The following ALKBH3 variants were observed in gnomAD, a reference collection of about 807,000 sequenced individuals.
ALKBH3 encodes the protein alpha-ketoglutarate-dependent dioxygenase alkB homolog 3.
In ALKBH3, 51 loss-of-function variants were observed where a neutral mutation model predicts 43.9. The ratio of observed to expected loss-of-function variants is 1.16; its 90% CI spans 0.93 to 1.47. The LOEUF (loss-of-function observed/expected upper bound fraction) is 1.47, where lower values mean the gene tolerates loss of function less well. Among genes scored for constraint, ALKBH3 ranks in the 40% most tolerant of loss-of-function variants. ALKBH3 has a pLI of 0.00. For missense variants in ALKBH3, 361 were observed against 351.9 expected (o/e 1.03, Z -0.21); for synonymous variants, 102 against 115.2 (o/e 0.89, Z 0.73).
intron 5 of ALKBH3, among the ~76,000 whole-genome samples, chr11:43,888,822 G>T (rs1364319000): frequency 1.3e-5 from 2 of 152,220 alleles, no homozygotes; most frequent in Non-Finnish European, 2.9e-5. Context: ...CTTTCAGAAG[G>T]TATCTTAAGA....
At chr11:43,884,766 T>C (rs1951736135) in intron 4 of ALKBH3, among the ~76,000 whole-genome samples, 1 of 152,072 alleles carries the variant, frequency 6.6e-6, no homozygotes, top group Non-Finnish European at 1.5e-5. Context: ...TTTTTTATTT[T>C]TTTGGAACAG....
intron 6 of ALKBH3, among the ~76,000 whole-genome samples, chr11:43,891,792 A>G (rs907243515): frequency 1.3e-5 from 2 of 152,164 alleles, no homozygotes; most frequent in Non-Finnish European, 2.9e-5. Flanking sequence ...CATCACTAAT[A>G]CAAGCAAGTC....
At position 43,901,962 on chromosome 11, in the gene ALKBH3, A is replaced by C. The variant is rs543064313; in HGVS notation, c.669+237A>C. On this transcript the variant is annotated intron_variant, in intron 8 of 9. Coordinates refer to ENST00000302708, the MANE Select transcript of ALKBH3 (RefSeq NM_139178.4). ...ATGCTAGGTGCTGGCGGCTCATTTCATTGATGATAAACTCCCTGTCCTCCT... is the reference window on the plus strand; with the variant it reads ...ATGCTAGGTGCTGGCGGCTCATTTCCTTGATGATAAACTCCCTGTCCTCCT... Among the ~76,000 whole-genome samples the C allele has an allele frequency of 3.3e-5, 5 of 152,306 alleles. No homozygotes were observed. In the East Asian group the frequency reaches 9.6e-4, roughly 29 times the overall value.
intron 4 of ALKBH3, among the ~76,000 whole-genome samples, chr11:43,886,170 C>T (rs1951745268): frequency 1.3e-5 from 2 of 152,126 alleles, no homozygotes; most frequent in South Asian, 4.1e-4. Context: ...GGATTTTAAT[C>T]AGAAGAGGAA....
intron 7 of ALKBH3, chr11:43,898,325 G>T: frequency 1.4e-6 from 1 of 717,258 alleles, no homozygotes; most frequent in Non-Finnish European, 2.5e-6. Flanking sequence ...GAGATCATTT[G>T]TCAATCTTTG....
intron 8 of ALKBH3, 23 bp from the exon 9 acceptor site, chr11:43,919,015 T>G (rs745619135): frequency 1.3e-6 from 2 of 1,572,498 alleles, no homozygotes; most frequent in Non-Finnish European, 1.7e-6. Flanking sequence ...AAAACATTTA[T>G]TACAACAAAT....
chr11:43,883,392 A>G (rs1440442583), intron 3 of ALKBH3, among the ~76,000 whole-genome samples: 1 of 152,220 alleles, frequency 6.6e-6, no homozygotes, highest in Non-Finnish European at 1.5e-5. Context: ...TTATGGTCAC[A>G]TGTTATTCCC....
At chr11:43,898,823 G>A (rs1403668993) in intron 7 of ALKBH3, 1 of 766,230 alleles carries the variant, frequency 1.3e-6, no homozygotes, top group East Asian at 2.4e-5. Context: ...ATTTATGCAG[G>A]AAATGACTAC....
At chr11:43,915,022 A>T (rs1341784571) in intron 8 of ALKBH3, among the ~76,000 whole-genome samples, 1 of 152,032 alleles carries the variant, frequency 6.6e-6, no homozygotes, top group Non-Finnish European at 1.5e-5. Context: ...CCTGGCCAAC[A>T]TGGTGAAACC....
In ALKBH3 at chr11:43,888,085, C is replaced by CCATACGTGGCCTAGGATAGAT. The variant is rs1439456560; in HGVS notation, c.266+1432_266+1433insCATACGTGGCCTAGGATAGAT. ...GTGCTGGGATTACAGGCATGAGCCACTGCGCCTGGCAGTCTTTCTGTTTTT... is the reference window on the plus strand; with the variant it reads ...GTGCTGGGATTACAGGCATGAGCCACCATACGTGGCCTAGGATAGATTGCGCCTGGCAGTCTTTCTGTTTTT... On this transcript the variant is annotated intron_variant, in intron 5 of 9. Transcript: ENST00000302708. Among the ~76,000 whole-genome samples, 64 of 96,694 alleles carry CCATACGTGGCCTAGGATAGAT rather than the reference C, an allele frequency of 6.6e-4. 7 individuals are homozygous for CCATACGTGGCCTAGGATAGAT. The highest frequency in any genetic ancestry group is 8.2e-4 in the Non-Finnish European group (32 of 38,836). The allele number at this position is 96,694 out of a possible 152,430, so 63.4% of individuals were successfully genotyped here.
intron 8 of ALKBH3, among the ~76,000 whole-genome samples, chr11:43,910,748 C>G: frequency 6.6e-6 from 1 of 152,148 alleles, no homozygotes; most frequent in Non-Finnish European, 1.5e-5. Context: ...ATCTTTATCC[C>G]AGGCACTTTT....
chr11:43,900,228 T>A (rs1810838747), intron 7 of ALKBH3, among the ~76,000 whole-genome samples: 1 of 132,612 alleles, frequency 7.5e-6, no homozygotes, highest in Admixed American at 7.6e-5. Flanking sequence ...TTTTTTTTTT[T>A]TTTTTTTTTT....
intron 8 of ALKBH3, among the ~76,000 whole-genome samples, chr11:43,913,724 G>A (rs375200676): frequency 6.6e-6 from 1 of 152,210 alleles, no homozygotes; most frequent in South Asian, 2.1e-4. Context: ...GGTCTTAGAC[G>A]CTTACAAGTC....
At chr11:43,919,832 C>T (rs868156970) in intron 9 of ALKBH3, 86 bp from the exon 10 acceptor site, 1 of 1,209,736 alleles carries the variant, frequency 8.3e-7, no homozygotes, top group Middle Eastern at 2.1e-4. Flanking sequence ...AATATTTCTG[C>T]ATTCTCATGA....
At chr11:43,893,906 G>A (rs1275378525) in intron 7 of ALKBH3, among the ~76,000 whole-genome samples, 1 of 152,046 alleles carries the variant, frequency 6.6e-6, no homozygotes, top group East Asian at 1.9e-4. Context: ...TTTAGATATA[G>A]GGTCTTGTTA....
At chr11:43,913,593 G>T (rs1951958760) in intron 8 of ALKBH3, among the ~76,000 whole-genome samples, 1 of 152,210 alleles carries the variant, frequency 6.6e-6, no homozygotes, top group South Asian at 2.1e-4. Flanking sequence ...TCTACCTCTA[G>T]ATTTAATTCA....
intron 9 of ALKBH3, 110 bp from the exon 10 acceptor site, chr11:43,919,808 G>A (rs1952012490): frequency 9.8e-7 from 1 of 1,025,350 alleles, no homozygotes; most frequent in Non-Finnish European, 1.5e-6. Flanking sequence ...CTCATTTAAG[G>A]GGGATGAGAT....
intron 4 of ALKBH3, among the ~76,000 whole-genome samples, chr11:43,884,852 A>C (rs1467522766): frequency 6.6e-6 from 1 of 152,150 alleles, no homozygotes; most frequent in Non-Finnish European, 1.5e-5. Flanking sequence ...TCTGGGCTCA[A>C]GTGATCCTCC....
At chr11:43,884,375 CTTTTTT>C (rs113557050) in intron 4 of ALKBH3, among the ~76,000 whole-genome samples, 4 of 134,110 alleles carry the variant, frequency 3.0e-5, no homozygotes, top group Non-Finnish European at 4.8e-5. Context: ...TTAATTGCCT[CTTTTTT>C]TTTTTTTTTT....
Sources: gnomAD v4.1 joint callset for allele counts (sites outside exome capture counted in the v4.1 genomes callset) on GRCh38, gnomAD v4.1.1 for gene constraint, MANE v1.5 for transcripts, NCBI Gene and HGNC (gene_info 2026-07-23, HGNC 2026-07-21) for gene names.